Variants in ADGRD1 observed in about 807,000 individuals in gnomAD.
ADGRD1 encodes G-protein coupled receptor 133.
ADGRD1 carries 77 observed loss-of-function variants against 113.4 expected under a neutral mutation model. The ratio of observed to expected loss-of-function variants is 0.68; its 90% CI spans 0.57 to 0.82. ADGRD1 has a LOEUF of 0.82. ADGRD1 is among the 40% of genes least tolerant of loss of function. The probability of loss-of-function intolerance (pLI) is 0.00; values close to 1 mark genes in which losing one functional copy is unlikely to be tolerated. For missense variants in ADGRD1, 1,036 were observed against 1,139.1 expected (o/e 0.91, Z 1.30); for synonymous variants, 474 against 475.0 (o/e 1.00, Z 0.03).
chr12:131,048,608 AG>A (rs1883077528), intron 13 of ADGRD1, among the ~76,000 whole-genome samples: 1 of 152,246 alleles, frequency 6.6e-6, no homozygotes, highest in Admixed American at 6.5e-5. Context: ...GCACCCTCCC[AG>A]CTGACGTGCA....
At chr12:131,105,916 G>C in intron 17 of ADGRD1, 51 bp downstream of exon 17, 1 of 1,343,520 alleles carries the variant, frequency 7.4e-7, no homozygotes, top group Non-Finnish European at 1.0e-6. Flanking sequence ...TTGCCTCCTC[G>C]GATGTCACCG....
chr12:130,974,357 C>T (rs900075658), intron 4 of ADGRD1, among the ~76,000 whole-genome samples: 7 of 152,098 alleles, frequency 4.6e-5, no homozygotes, highest in Non-Finnish European at 8.8e-5. Context: ...GCATCAGAAA[C>T]GAGTTTTCAC....
In ADGRD1 at chr12:131,113,643, A is replaced by T. The variant is rs1472897250; in HGVS notation, c.2042-4742A>T. On this transcript the variant is annotated intron_variant, in intron 18 of 24. Coordinates refer to ENST00000261654, the MANE Select transcript of ADGRD1 (RefSeq NM_198827.5). The surrounding 1 kb of genome is among the most constrained non-coding windows in gnomAD (Gnocchi z 4.9). ...CCCTCGTGGCTCCCTGGGGAGACTG[A>T]AGAGGCCACTTGGGCAGCCACCTCC... is the stretch of plus-strand genomic sequence containing the variant. 1.3e-5 allele frequency among the ~76,000 whole-genome samples: 2 copies of T among 152,234 alleles called. No individual in the cohort carries two copies. The highest frequency in any genetic ancestry group is 4.8e-5 in the African/African-American group (2 of 41,464).
Position 131,076,797 on chromosome 12 carries a change from T to G in ADGRD1, c.1474-4T>G. ...TGCATCGTGTTTGCTTTCTTTCATT[T>G]CAGACACGTAAGCAGCACAGTGAGG... On this transcript the variant is annotated splice_region_variant and splice_polypyrimidine_tract_variant and intron_variant, in intron 13 of 24. Transcript: ENST00000261654. 2 of 1,613,742 alleles carry G rather than the reference T, an allele frequency of 1.2e-6. No homozygotes were observed. Among genetic ancestry groups the G allele is most frequent in the Non-Finnish European group, 1.7e-6 (2 of 1,179,638 alleles).
chr12:131,110,596 G>A (rs376644870), intron 18 of ADGRD1, among the ~76,000 whole-genome samples: 1 of 152,138 alleles, frequency 6.6e-6, no homozygotes, highest in African/African-American at 2.4e-5. Flanking sequence ...TAAAGAAGCT[G>A]GGATAAAAGG....
chr12:131,054,316 C>T (rs1047436462), intron 13 of ADGRD1, among the ~76,000 whole-genome samples: 4 of 152,182 alleles, frequency 2.6e-5, no homozygotes, highest in Middle Eastern at 3.2e-3. Flanking sequence ...CCAAGGCAAC[C>T]GCTAATACTT....
At chr12:131,040,847 G>A (rs911580807) in intron 13 of ADGRD1, among the ~76,000 whole-genome samples, 4 of 152,242 alleles carry the variant, frequency 2.6e-5, no homozygotes, top group African/African-American at 4.8e-5. Context: ...CAGCCTGCAG[G>A]TGACCCAAAC....
chr12:130,983,297 T>G (rs1329089111), intron 5 of ADGRD1, among the ~76,000 whole-genome samples: 1 of 152,166 alleles, frequency 6.6e-6, no homozygotes, highest in Non-Finnish European at 1.5e-5. Flanking sequence ...CGGACCAGCT[T>G]GTACCTCCAC....
chr12:131,100,728 G>C (rs758316864), intron 15 of ADGRD1, among the ~76,000 whole-genome samples: 1 of 152,208 alleles, frequency 6.6e-6, no homozygotes, highest in Non-Finnish European at 1.5e-5. Flanking sequence ...GAAACTCCCA[G>C]TAGAATGGGT....
At chr12:131,092,837 G>T (rs1887001213) in intron 15 of ADGRD1, among the ~76,000 whole-genome samples, 2 of 151,776 alleles carry the variant, frequency 1.3e-5, no homozygotes, top group African/African-American at 4.8e-5. Context: ...AAAATTGGTT[G>T]TCAGTATTCC....
chr12:131,025,150 A>G (rs1461615966), intron 13 of ADGRD1, among the ~76,000 whole-genome samples: 2 of 152,214 alleles, frequency 1.3e-5, no homozygotes, highest in Admixed American at 6.5e-5. Flanking sequence ...ATGGTTGGTT[A>G]CTGCAGTTAT....
At chr12:131,080,467 T>A (rs1885978679) in intron 14 of ADGRD1, among the ~76,000 whole-genome samples, 1 of 152,218 alleles carries the variant, frequency 6.6e-6, no homozygotes, top group Admixed American at 6.5e-5. Flanking sequence ...GTTCTATAAA[T>A]GTCAATTACA....
At chr12:131,123,049 T>TG (rs1593253877) in intron 20 of ADGRD1, among the ~76,000 whole-genome samples, 3 of 123,076 alleles carry the variant, frequency 2.4e-5, no homozygotes, top group South Asian at 3.0e-4. Flanking sequence ...GTTTTTTTTT[T>TG]TTTTTTTTTT....
chr12:131,087,468 G>C (rs55703189), intron 15 of ADGRD1, among the ~76,000 whole-genome samples: 21,436 of 152,228 alleles, frequency 0.14, 1,598 homozygotes, highest in Middle Eastern at 0.19. Flanking sequence ...AAGAAGGGCC[G>C]GCCACGAAGC....
intron 15 of ADGRD1, among the ~76,000 whole-genome samples, chr12:131,087,726 C>CG (rs918319176): frequency 3.6e-5 from 2 of 55,590 alleles, no homozygotes; most frequent in Admixed American, 5.0e-4. Flanking sequence ...CCAGTCCCCA[C>CG]GCCCCCCCCA....
Position 130,965,525 on chromosome 12 carries a change from T to C in ADGRD1, c.104-938T>C, listed in dbSNP as rs576402782. Among the ~76,000 whole-genome samples the C allele has an allele frequency of 6.6e-6, 1 of 152,226 alleles. No individual in the cohort carries two copies. The highest frequency in any genetic ancestry group is 2.4e-5 in the African/African-American group (1 of 41,532). On this transcript the variant is annotated intron_variant, in intron 2 of 24. Coordinates refer to ENST00000261654, the MANE Select transcript of ADGRD1 (RefSeq NM_198827.5). The surrounding 1 kb of genome is among the most constrained non-coding windows in gnomAD (Gnocchi z 4.8). ...CTGTGAATGAATCCCAGAGGACTAA[T>C]CCCCGAGAAGACTAAAATTGTATGC...
chr12:131,117,067 C>T (rs1017928958), intron 18 of ADGRD1, among the ~76,000 whole-genome samples: 3 of 152,214 alleles, frequency 2.0e-5, no homozygotes, highest in Non-Finnish European at 2.9e-5. Context: ...CATACAAAAC[C>T]TCTGCACTTT....
At chr12:131,099,132 C>G (rs1278720362) in intron 15 of ADGRD1, among the ~76,000 whole-genome samples, 2 of 152,236 alleles carry the variant, frequency 1.3e-5, no homozygotes, top group African/African-American at 4.8e-5. Flanking sequence ...CAGAATTAAA[C>G]AAGACAGTCG....
At position 131,004,392 on chromosome 12, in the gene ADGRD1, G is replaced by GCTGTGGTGCTCCCCCGGGCCGC. The variant is rs1876824185; in HGVS notation, c.1255+99_1255+100insTGGTGCTCCCCCGGGCCGCCTG. 9 of 790,800 alleles carry GCTGTGGTGCTCCCCCGGGCCGC rather than the reference G, an allele frequency of 1.1e-5. 1 individual carries two copies. The highest frequency in any genetic ancestry group is 6.9e-5 in the African/African-American group (4 of 58,258). 49.0% of individuals were successfully genotyped at this position (790,800 alleles called of 1,614,324 possible). A position where few individuals can be genotyped will look rare whatever the true frequency, so the allele number is the denominator to read the frequency against. The stretch of plus-strand genomic sequence containing the variant: ...TGCTGGGTGCCCACCGCGCCAGGGA[G>GCTGTGGTGCTCCCCCGGGCCGC]CTGCGGTGCTCCCCCGGGCCGCCTG... On this transcript the variant is annotated intron_variant, in intron 11 of 24. Transcript: ENST00000261654.
Sources: gnomAD v4.1 joint callset for allele counts (sites outside exome capture counted in the v4.1 genomes callset) on GRCh38, gnomAD v4.1.1 for gene constraint, Gnocchi (gnomAD v3.1) non-coding constraint, MANE v1.5 for transcripts, NCBI Gene and HGNC (gene_info 2026-07-23, HGNC 2026-07-21) for gene names.